Variants in PTPRN observed in about 807,000 individuals in gnomAD.
The protein encoded by PTPRN is receptor-type tyrosine-protein phosphatase-like N.
A neutral mutation model predicts 108.5 loss-of-function variants in PTPRN; 70 were observed. The observed-to-expected ratio is 0.65, with a 90% confidence interval of 0.53 to 0.79. The LOEUF is 0.79. Among genes scored for constraint, PTPRN ranks in the 30% least tolerant of loss-of-function variants. The pLI, the probability that PTPRN is intolerant of heterozygous loss-of-function variation, is 0.00. For missense variants in PTPRN, 1,136 were observed against 1,295.5 expected, an observed-to-expected ratio of 0.88 and a Z score of 1.89; for synonymous variants, 496 against 524.6, an observed-to-expected ratio of 0.95 and a Z score of 0.75.
Position 219,296,395 on chromosome 2 carries a change from G to C in PTPRN, c.2388+44C>G, listed in dbSNP as rs112070981. 14 of 1,613,988 alleles carry C rather than the reference G, an allele frequency of 8.7e-6. No homozygotes were observed. In the African/African-American group the frequency reaches 1.3e-4, roughly 15 times the overall value. On this transcript the variant is annotated intron_variant, in intron 17 of 22. Coordinates refer to ENST00000295718, the MANE Select transcript of PTPRN (RefSeq NM_002846.4). This position sits in a 1 kb window ranked among gnomAD's most constrained non-coding sequence, Gnocchi z 6.0. Reference sequence around the variant, plus strand: ...TCCACTCTAACCTCCCTGGGACCTCGTGGCCACAAGGACCCCAGCGAAGCC... The same window carrying C: ...TCCACTCTAACCTCCCTGGGACCTCCTGGCCACAAGGACCCCAGCGAAGCC...
In PTPRN at chr2:219,291,530, CA is replaced by C; in HGVS notation, c.2676-8del. The C allele has an allele frequency of 6.2e-7, 1 of 1,613,828 alleles. No homozygotes were observed. The highest frequency in any genetic ancestry group is 8.5e-7 in the Non-Finnish European group (1 of 1,179,944). ...GTAGCACTTGTTCACCTTCCTGCAA[CA>C]AGAAATGGGTGTGAGGGCCAGTGGG... On this transcript the variant is annotated splice_region_variant and splice_polypyrimidine_tract_variant and intron_variant, in intron 19 of 22. Coordinates refer to ENST00000295718, the MANE Select transcript of PTPRN (RefSeq NM_002846.4).
At chr2:219,299,007 C>A in intron 12 of PTPRN, 40 bp downstream of exon 12, 1 of 1,609,316 alleles carries the variant, frequency 6.2e-7, no homozygotes, top group Non-Finnish European at 8.5e-7. Flanking sequence ...ACAACATCAG[C>A]CCTCTGGGGA....
chr2:219,309,192 C>T, intron 1 of PTPRN, 26 bp downstream of exon 1: 1 of 1,446,308 alleles, frequency 6.9e-7, no homozygotes, highest in South Asian at 1.2e-5. Flanking sequence ...CCCCCCACCA[C>T]CCGCCAGCCC....
At chr2:219,302,927 AG>A in intron 4 of PTPRN, 90 bp from the exon 5 acceptor site, 2 of 1,416,628 alleles carry the variant, frequency 1.4e-6, no homozygotes, top group Non-Finnish European at 1.9e-6. Context: ...AGGCAGGCTC[AG>A]CGGTTAAGAG....
At chr2:219,300,672 C>T (rs1952323768) in intron 8 of PTPRN, among the ~76,000 whole-genome samples, 1 of 152,212 alleles carries the variant, frequency 6.6e-6, no homozygotes, top group South Asian at 2.1e-4. Flanking sequence ...CTGCTCGAAA[C>T]TTCCCTCCTC....
chr2:219,294,857 G>T (rs1952142865), intron 19 of PTPRN, 118 bp downstream of exon 19: 1 of 1,085,166 alleles, frequency 9.2e-7, no homozygotes, highest in Non-Finnish European at 1.2e-6. Flanking sequence ...GGAGCGGGCG[G>T]CCAGAAGTCA....
rs1467175638 is a variant in PTPRN, at chr2:219,296,839, C to T, written c.2237-17G>A. On this transcript the variant is annotated splice_polypyrimidine_tract_variant and intron_variant, in intron 15 of 22. Transcript: ENST00000295718. The surrounding 1 kb of genome is among the most constrained non-coding windows in gnomAD (Gnocchi z 6.0). ...CATGGTCATCTGCACAGACCCGACA[C>T]CCCACCCCAGATGGCCCTCTGGTCA... is the stretch of plus-strand genomic sequence containing the variant. 2 of 1,613,970 alleles carry T rather than the reference C, an allele frequency of 1.2e-6. No individual in the cohort carries two copies. The highest frequency in any genetic ancestry group is 1.3e-5 in the African/African-American group (1 of 74,890).
rs542577237 is a variant in PTPRN at position 219,307,306 on chromosome 2, C to T, written c.280+138G>A. On this transcript the variant is annotated intron_variant, in intron 3 of 22. Transcript: ENST00000295718. ...TGAATAGCCCATCTCTAGGGTTCCA[C>T]CTCTTACTCTAGCAAGATATGGGAA... 30 of 705,942 alleles carry T rather than the reference C, an allele frequency of 4.2e-5. No homozygotes were observed. In the African/African-American group the frequency reaches 5.2e-4, roughly 12 times the overall value. The allele number at this position is 705,942 out of a possible 1,614,324, so 43.7% of individuals were successfully genotyped here.
intron 19 of PTPRN, chr2:219,292,712 G>A (rs980463359): frequency 3.9e-5 from 6 of 152,032 alleles, no homozygotes; most frequent in African/African-American, 1.5e-4. Context: ...CTAAAGCAGG[G>A]GTCCCCAATC....
intron 1 of PTPRN, chr2:219,308,959 C>A: frequency 6.8e-7 from 1 of 1,478,480 alleles, no homozygotes; most frequent in Non-Finnish European, 9.1e-7. Context: ...CACATGCACC[C>A]CGTGTCCTTC....
At position 219,290,169 on chromosome 2, in the gene PTPRN, G is replaced by T; in HGVS notation, c.*57C>A. ...CAGTGAGGAGTGGGTACACAGAGAT[G>T]CTCACACAGGCAAAGAGGGACAGAG... is the stretch of plus-strand genomic sequence containing the variant. On this transcript the variant is annotated 3_prime_UTR_variant, in exon 23 of 23. Transcript: ENST00000295718. This position sits in a 1 kb window ranked among gnomAD's most constrained non-coding sequence, Gnocchi z 4.2. 1 of 1,482,424 alleles carries T rather than the reference G, an allele frequency of 6.7e-7. No homozygotes were observed. Among genetic ancestry groups the T allele is most frequent in the Non-Finnish European group, 9.4e-7 (1 of 1,061,126 alleles). 91.8% of individuals were successfully genotyped at this position (1,482,424 alleles called of 1,614,324 possible).
At position 219,296,371 on chromosome 2, in the gene PTPRN, C is replaced by A; in HGVS notation, c.2389-26G>T. ...CTAGGGACAGAGACCCAGTTGAGCTCCACTCTAACCTCCCTGGGACCTCGT... is the reference window on the plus strand; with the variant it reads ...CTAGGGACAGAGACCCAGTTGAGCTACACTCTAACCTCCCTGGGACCTCGT... On this transcript the variant is annotated intron_variant, in intron 17 of 22. Transcript: ENST00000295718. The surrounding 1 kb of genome is among the most constrained non-coding windows in gnomAD (Gnocchi z 6.0). The A allele has an allele frequency of 6.2e-7, 1 of 1,614,168 alleles. No individual in the cohort carries two copies. The highest frequency in any genetic ancestry group is 1.1e-5 in the South Asian group (1 of 91,086).
rs764406658 is a variant in PTPRN, at chr2:219,302,582, G to C, written c.633C>G (p.Phe211Leu). The change falls in exon 5 of 23, where the codon TTC becomes TTG. Residue 211 changes from phenylalanine to leucine, a missense_variant. Phe to Leu is a conservative substitution (Grantham distance 22). Coordinates refer to ENST00000295718, the MANE Select transcript of PTPRN (RefSeq NM_002846.4). ...ACCAGAGTCAAGGACTTACCTGGTG[G>C]AACAGGTAGGGCTGCAGCAAGGCAG... ...YEPALLQPYL[F>L]HQFGSRDGSR... 3 of 1,614,036 alleles carry C rather than the reference G, an allele frequency of 1.9e-6. No individual in the cohort carries two copies. The South Asian group carries it at 3.3e-5, about 18-fold the overall frequency.
In PTPRN at chr2:219,294,994, G is replaced by T. The variant is rs530183269; in HGVS notation, c.2656C>A (p.Pro886Thr). Residue 886 changes from proline to threonine, a missense_variant, in exon 19 of 23, where the codon CCC becomes ACC. Pro to Thr is a conservative substitution (Grantham distance 38, BLOSUM62 -1). Coordinates refer to ENST00000295718, the MANE Select transcript of PTPRN (RefSeq NM_002846.4). ...PAEGTPASTR[P>T]LLDFRRKVNK... ...GCTCACCTGCGGAAGTCCAGCAGGG[G>T]CCGCGTGGAGGCCGGTGTGCCCTCT... 2 of 1,599,888 alleles carry T rather than the reference G, an allele frequency of 1.3e-6. No homozygotes were observed. Among genetic ancestry groups the T allele is most frequent in the East Asian group, 2.3e-5 (1 of 43,798 alleles).
intron 3 of PTPRN, chr2:219,307,056 A>C (rs1334654464): frequency 6.1e-6 from 1 of 163,908 alleles, no homozygotes; most frequent in Admixed American, 6.3e-5. Flanking sequence ...TACATTCCAA[A>C]TACCTAAAAC....
chr2:219,307,835 T>G lies in PTPRN; in HGVS notation c.123A>C (p.Leu41=), dbSNP rs771738489. 1.2e-6 allele frequency: 2 copies of G among 1,614,000 alleles called. No homozygotes were observed. Among genetic ancestry groups the G allele is most frequent in the African/African-American group, 2.7e-5 (2 of 74,904 alleles). ...GCSAVSAHGC[L]FDRRLCSHLE... Reference sequence around the variant, plus strand: ...GGTGAGAGCAGAGCCTGCGGTCAAATAGACAGCCTGTAGAGGAAAAGGTGA... The same window carrying G: ...GGTGAGAGCAGAGCCTGCGGTCAAAGAGACAGCCTGTAGAGGAAAAGGTGA... The change falls in exon 2 of 23, where the codon CTA becomes CTC. Residue 41 remains leucine, a synonymous_variant. Transcript: ENST00000295718.
rs777865026 is a variant in PTPRN, at chr2:219,302,432, G to A, written c.699C>T (p.Gly233=). 4.3e-6 allele frequency: 7 copies of A among 1,614,040 alleles called. No homozygotes were observed. Among genetic ancestry groups the A allele is most frequent in the Middle Eastern group, 3.3e-4 (2 of 6,084 alleles). The part of the protein sequence containing the change: ...SEGSPGMVSV[G]PLPKAEAPAL... ...CAGGGGCTTCAGCCTTGGGCAGGGG[G>A]CCGACACTGACCATCCCTGGGGAGC... The change falls in exon 6 of 23, where the codon GGC becomes GGT. Residue 233 remains glycine, a synonymous_variant. Coordinates refer to ENST00000295718, the MANE Select transcript of PTPRN (RefSeq NM_002846.4).
At position 219,293,471 on chromosome 2, in the gene PTPRN, C is replaced by T. The variant is rs1010248160; in HGVS notation, c.2675+1504G>A. On this transcript the variant is annotated intron_variant, in intron 19 of 22. Transcript: ENST00000295718. ...CTGGGATTACAGGTGTGAACCACCGCGCCCGGCCCCGAACTGCATTTCTTA... is the reference window on the plus strand; with the variant it reads ...CTGGGATTACAGGTGTGAACCACCGTGCCCGGCCCCGAACTGCATTTCTTA... Among the ~76,000 whole-genome samples the T allele has an allele frequency of 2.3e-4, 35 of 152,266 alleles. 1 individual carries two copies. Among genetic ancestry groups the T allele is most frequent in the South Asian group, 1.9e-3 (9 of 4,820 alleles).
rs1188470559 is a variant in PTPRN, at chr2:219,296,431, G to A, written c.2388+8C>T. The A allele has an allele frequency of 6.2e-7, 1 of 1,614,032 alleles. No individual in the cohort carries two copies. Among genetic ancestry groups the A allele is most frequent in the Non-Finnish European group, 8.5e-7 (1 of 1,180,024 alleles). ...GACCCCAGCGAAGCCCTCCCTTTAA[G>A]AGCCCACCTGCCAGAAGTCTGCGAT... On this transcript the variant is annotated splice_region_variant and intron_variant, in intron 17 of 22. Transcript: ENST00000295718. This position sits in a 1 kb window ranked among gnomAD's most constrained non-coding sequence, Gnocchi z 6.0.
Sources: gnomAD v4.1 joint callset for allele counts (sites outside exome capture counted in the v4.1 genomes callset) on GRCh38, gnomAD v4.1.1 for gene constraint, Gnocchi (gnomAD v3.1) non-coding constraint, MANE v1.5 for transcripts, NCBI Gene and HGNC (gene_info 2026-07-23, HGNC 2026-07-21) for gene names.